Variants in MTMR3 observed in about 807,000 individuals in gnomAD.
MTMR3 encodes the protein phosphatidylinositol-3,5-bisphosphate 3-phosphatase MTMR3.
Under a neutral mutation model 132.4 loss-of-function variants are expected in MTMR3, and 32 were observed. The ratio of observed to expected loss-of-function variants is 0.24; its 90% CI spans 0.18 to 0.32. The LOEUF is 0.32. MTMR3 is among the 10% of genes least tolerant of loss of function. MTMR3 has a pLI of 1.00. For missense variants in MTMR3, 1,216 were observed against 1,489.6 expected (o/e 0.82, Z 3.02); for synonymous variants, 556 against 550.3 (o/e 1.01, Z -0.14).
At chr22:29,895,865 CTGT>C (rs1333293161) in intron 1 of MTMR3, among the ~76,000 whole-genome samples, 1 of 152,224 alleles carries the variant, frequency 6.6e-6, no homozygotes, top group Non-Finnish European at 1.5e-5. Flanking sequence ...CTGGTCATCA[CTGT>C]TGTTGTATAA....
Position 29,886,257 on chromosome 22 carries a change from A to C in MTMR3, c.-138+2898A>C, listed in dbSNP as rs55747442. 1.3e-3 allele frequency among the ~76,000 whole-genome samples: 191 copies of C among 152,354 alleles called. 1 individual carries two copies. The highest frequency in any genetic ancestry group is 4.1e-3 in the African/African-American group (169 of 41,584). On this transcript the variant is annotated intron_variant, in intron 1 of 19. Coordinates refer to ENST00000401950, the MANE Select transcript of MTMR3 (RefSeq NM_021090.4). ...GGTAGGAAAGAAAATGAAAATGAAG[A>C]GCCAGCTTTCAGTGCTTATTGTTTG...
intron 2 of MTMR3, among the ~76,000 whole-genome samples, chr22:29,957,753 T>C (rs2145845513): frequency 6.6e-6 from 1 of 152,278 alleles, no homozygotes; most frequent in Non-Finnish European, 1.5e-5. Flanking sequence ...AGACCTCTTA[T>C]TACTAGAGTT....
chr22:29,885,936 A>G (rs185655128), intron 1 of MTMR3, among the ~76,000 whole-genome samples: 26 of 152,298 alleles, frequency 1.7e-4, no homozygotes, highest in African/African-American at 5.8e-4. Flanking sequence ...ACAATTGTGT[A>G]GAGTAGTGAA....
chr22:29,987,659 A>T (rs2066884723), intron 5 of MTMR3: 1 of 152,300 alleles, frequency 6.6e-6, no homozygotes, highest in Middle Eastern at 3.4e-3. Flanking sequence ...CCCTGTCTAG[A>T]TGCTTTTGCT....
intron 6 of MTMR3, 110 bp from the exon 7 acceptor site, chr22:29,991,394 G>T: frequency 1.8e-6 from 2 of 1,082,246 alleles, no homozygotes; most frequent in Non-Finnish European, 2.6e-6. Flanking sequence ...TGCTTTCTTG[G>T]TTGTAGTTCC....
At chr22:29,998,977 A>G in intron 8 of MTMR3, 120 bp downstream of exon 8, 1 of 587,100 alleles carries the variant, frequency 1.7e-6, no homozygotes, top group Middle Eastern at 2.7e-4. Context: ...TATTTATTAA[A>G]TCTAAAGGCA....
chr22:29,926,583 A>G lies in MTMR3; in HGVS notation c.-137-30453A>G, dbSNP rs542685790. On this transcript the variant is annotated intron_variant, in intron 1 of 19. Coordinates refer to ENST00000401950, the MANE Select transcript of MTMR3 (RefSeq NM_021090.4). ...CTGCCCTTTTGATTTTAGTCATGCT[A>G]GTGGGTTTAAAGTGGTATCTCATTG... is the stretch of plus-strand genomic sequence containing the variant. 1.4e-3 allele frequency among the ~76,000 whole-genome samples: 216 copies of G among 152,276 alleles called. 1 individual carries two copies. Among genetic ancestry groups the G allele is most frequent in the African/African-American group, 4.2e-3 (175 of 41,560 alleles).
intron 1 of MTMR3, among the ~76,000 whole-genome samples, chr22:29,933,137 T>A (rs1275529672): frequency 6.6e-6 from 1 of 151,880 alleles, no homozygotes; most frequent in Admixed American, 6.6e-5. Context: ...TCTGGCTAAT[T>A]TTTTGTATTT....
intron 3 of MTMR3, among the ~76,000 whole-genome samples, chr22:29,976,694 G>A (rs1293674560): frequency 1.3e-5 from 2 of 152,126 alleles, no homozygotes; most frequent in African/African-American, 2.4e-5. Context: ...GTGAAGAAAG[G>A]CAATAATACC....
intron 2 of MTMR3, among the ~76,000 whole-genome samples, chr22:29,959,558 T>C (rs1275825132): frequency 3.3e-5 from 5 of 151,966 alleles, no homozygotes; most frequent in South Asian, 4.1e-4. Flanking sequence ...TTTGTGTTTT[T>C]AGTAGAGACG....
chr22:30,023,592 G>T (rs543920992), intron 19 of MTMR3: 18 of 1,354,832 alleles, frequency 1.3e-5, no homozygotes, highest in Middle Eastern at 1.8e-4. Context: ...GAAGCCTGGG[G>T]CCTTGGGTGC....
intron 1 of MTMR3, among the ~76,000 whole-genome samples, chr22:29,890,240 G>C (rs1443472594): frequency 6.6e-6 from 1 of 152,024 alleles, no homozygotes; most frequent in African/African-American, 2.4e-5. Context: ...TTATTACCTG[G>C]GCGTGGTGGC....
chr22:30,025,924 A>T lies in MTMR3; in HGVS notation c.*123A>T. ...AGCGTGGAACCACCTGTACAGAGTGACAGATTTGGGATGCACCACTGGATT... is the reference window on the plus strand; with the variant it reads ...AGCGTGGAACCACCTGTACAGAGTGTCAGATTTGGGATGCACCACTGGATT... On this transcript the variant is annotated 3_prime_UTR_variant, in exon 20 of 20. Transcript: ENST00000401950. The T allele has an allele frequency of 2.0e-6, 2 of 1,005,074 alleles. No homozygotes were observed. Among genetic ancestry groups the T allele is most frequent in the Non-Finnish European group, 3.0e-6 (2 of 671,024 alleles). The allele number at this position is 1,005,074 out of a possible 1,614,324, so 62.3% of individuals were successfully genotyped here. A position where few individuals can be genotyped will look rare whatever the true frequency, so the allele number is the denominator to read the frequency against.
In MTMR3 at chr22:30,007,207, G is replaced by A; in HGVS notation, c.765G>A (p.Gln255=). Residue 255 remains glutamine (Q), a synonymous_variant, in exon 10 of 20, where the codon CAG becomes CAA. Transcript: ENST00000401950. ...ATGCAGATGATGAGCATCTGGTACAGTCAGTAGCCAAAGCTTGTGCCTCTG... is the reference window on the plus strand; with the variant it reads ...ATGCAGATGATGAGCATCTGGTACAATCAGTAGCCAAAGCTTGTGCCTCTG... ...WRNADDEHLV[Q]SVAKACASDS... is the part of the protein sequence containing the mutation. The A allele has an allele frequency of 6.2e-7, 1 of 1,614,216 alleles. No homozygotes were observed. Among genetic ancestry groups the A allele is most frequent in the Admixed American group, 1.7e-5 (1 of 60,028 alleles).
intron 1 of MTMR3, among the ~76,000 whole-genome samples, chr22:29,912,432 C>T (rs753823267): frequency 1.3e-5 from 2 of 152,012 alleles, no homozygotes; most frequent in African/African-American, 4.8e-5. Context: ...TACAGGTGTG[C>T]GCTACCATGC....
At chr22:29,980,039 T>TG (rs1310858065) in intron 5 of MTMR3, 1 of 152,208 alleles carries the variant, frequency 6.6e-6, no homozygotes, top group African/African-American at 2.4e-5. Context: ...CTTCTTTACT[T>TG]GCCAGTGTTG....
In MTMR3 at chr22:29,949,137, ACACACACCCCC is replaced by A. The variant is rs1222143129; in HGVS notation, c.-137-7897_-137-7887del. On this transcript the variant is annotated intron_variant, in intron 1 of 19. Transcript: ENST00000401950. ...CACACACACACACACACACACACACACACACACCCCCCCCCCCCCCCCCGAGGCCCTGTCTT... is the reference window on the plus strand; with the variant it reads ...CACACACACACACACACACACACACACCCCCCCCCCCCGAGGCCCTGTCTT... 6.6e-3 allele frequency among the ~76,000 whole-genome samples: 237 copies of A among 35,726 alleles called. 14 individuals are homozygous for A. Among genetic ancestry groups the A allele is most frequent in the African/African-American group, 0.027 (179 of 6,640 alleles). The allele number at this position is 35,726 out of a possible 152,430, so 23.4% of individuals were successfully genotyped here. A position where few individuals can be genotyped will look rare whatever the true frequency, so the allele number is the denominator to read the frequency against.
Position 29,971,052 on chromosome 22 carries a change from C to G in MTMR3, c.-8C>G. The G allele has an allele frequency of 1.3e-6, 2 of 1,594,956 alleles. No homozygotes were observed. Among genetic ancestry groups the G allele is most frequent in the Non-Finnish European group, 1.7e-6 (2 of 1,172,394 alleles). Reference sequence around the variant, plus strand: ...GGGGATTTCTCCTCCTAATCTGGGCCTCTTGTCATGGTAAGTACAAGGAAA... The same window carrying G: ...GGGGATTTCTCCTCCTAATCTGGGCGTCTTGTCATGGTAAGTACAAGGAAA... On this transcript the variant is annotated 5_prime_UTR_variant, in exon 3 of 20. Transcript: ENST00000401950.
chr22:30,026,048 ATTTT>A lies in MTMR3; in HGVS notation c.*258_*261del, dbSNP rs139430397. 3.0e-6 allele frequency: 1 copy of A among 335,928 alleles called. No individual in the cohort carries two copies. The allele number at this position is 335,928 out of a possible 1,614,324, so 20.8% of individuals were successfully genotyped here. On this transcript the variant is annotated 3_prime_UTR_variant, in exon 20 of 20. Coordinates refer to ENST00000401950, the MANE Select transcript of MTMR3 (RefSeq NM_021090.4). Reference sequence around the variant, plus strand: ...AGGAAACTTTCCCTTGGTTGTCTTAATTTTTTTTTTTTTTGATGGAAGACCAAGG... The same window carrying A: ...AGGAAACTTTCCCTTGGTTGTCTTAATTTTTTTTTTGATGGAAGACCAAGG...
Sources: allele counts gnomAD v4.1 joint callset (sites outside exome capture counted in the v4.1 genomes callset), GRCh38; gene constraint gnomAD v4.1.1; transcripts MANE v1.5; gene names NCBI Gene and HGNC (gene_info 2026-07-23, HGNC 2026-07-21).